GON4L: variants seen among roughly 807,000 people sequenced by gnomAD.
GON4L encodes GON-4-like protein.
A neutral mutation model predicts 211.8 loss-of-function variants in GON4L; 87 were observed. The observed-to-expected ratio is 0.41, with a 90% CI of 0.35 to 0.49. The LOEUF is 0.49. GON4L is among the 20% of genes least tolerant of loss of function. The pLI is 0.15. For synonymous variants in GON4L, 875 were observed against 962.6 expected (o/e 0.91, Z 1.68); for missense variants, 2,155 against 2,659.5 (o/e 0.81, Z 4.17).
chr1:155,749,881 T>C lies in GON4L; in HGVS notation c.*703A>G. 1 of 1,601,726 alleles carries C rather than the reference T, an allele frequency of 6.2e-7. No individual in the cohort carries two copies. Reference sequence around the variant, plus strand: ...CAGTTTGGCGAGTCCCAGGGCAGAATAATCATCCATCTACAGGTCTCTGTT... The same window carrying C: ...CAGTTTGGCGAGTCCCAGGGCAGAACAATCATCCATCTACAGGTCTCTGTT... On this transcript the variant is annotated 3_prime_UTR_variant, in exon 32 of 32. Transcript: ENST00000368331.
chr1:155,800,723 G>A (rs1397798326), intron 11 of GON4L, among the ~76,000 whole-genome samples: 3 of 151,636 alleles, frequency 2.0e-5, no homozygotes, highest in African/African-American at 4.8e-5. Context: ...ATGGTAGCGC[G>A]TACCTGTAGT....
chr1:155,850,144 A>G (rs1355132438), intron 2 of GON4L, among the ~76,000 whole-genome samples: 1 of 152,128 alleles, frequency 6.6e-6, no homozygotes, highest in African/African-American at 2.4e-5. Context: ...TCAAAATAAG[A>G]ATTTCAAAGT....
chr1:155,770,778 C>T (rs1049243915), intron 19 of GON4L, among the ~76,000 whole-genome samples: 5 of 152,108 alleles, frequency 3.3e-5, no homozygotes, highest in African/African-American at 4.8e-5. Flanking sequence ...GCAGGAGAAT[C>T]GCTTGAACCT....
intron 2 of GON4L, among the ~76,000 whole-genome samples, chr1:155,839,988 C>G (rs1670635806): frequency 6.6e-6 from 1 of 152,184 alleles, no homozygotes; most frequent in Non-Finnish European, 1.5e-5. Flanking sequence ...CTTGAGAAAG[C>G]CTGAGACATT....
intron 11 of GON4L, among the ~76,000 whole-genome samples, chr1:155,802,221 A>G (rs1421633774): frequency 2.0e-5 from 3 of 151,196 alleles, no homozygotes; most frequent in Non-Finnish European, 4.4e-5. Flanking sequence ...TGGTAGGAAA[A>G]TGAAGTGCCA....
chr1:155,828,756 C>T (rs1178163535), intron 2 of GON4L, among the ~76,000 whole-genome samples: 2 of 144,152 alleles, frequency 1.4e-5, no homozygotes, highest in South Asian at 2.2e-4. Flanking sequence ...TGCAGTGTGC[C>T]GAGATCGCGC....
chr1:155,764,585 G>A (rs554240204), intron 21 of GON4L: 21 of 384,594 alleles, frequency 5.5e-5, no homozygotes, highest in South Asian at 4.8e-4. Flanking sequence ...GATTACAGGT[G>A]TCCGCCACCA....
At chr1:155,813,159 C>T (rs867046690) in intron 10 of GON4L, among the ~76,000 whole-genome samples, 2 of 152,076 alleles carry the variant, frequency 1.3e-5, no homozygotes, top group Non-Finnish European at 2.9e-5. Context: ...CAGCCAGGCA[C>T]GGTGGTTCAC....
chr1:155,785,648 C>T (rs1257151285), intron 12 of GON4L, among the ~76,000 whole-genome samples: 1 of 152,058 alleles, frequency 6.6e-6, no homozygotes, highest in Non-Finnish European at 1.5e-5. Flanking sequence ...TGCCACCATG[C>T]CTGGCTAATT....
chr1:155,807,401 T>C (rs1431045585), intron 10 of GON4L, among the ~76,000 whole-genome samples: 1 of 151,798 alleles, frequency 6.6e-6, no homozygotes. Flanking sequence ...GACTCTTATT[T>C]AAAATATTTA....
chr1:155,766,947 G>A lies in GON4L; in HGVS notation c.2764-238C>T, dbSNP rs890651935. On this transcript the variant is annotated intron_variant, in intron 20 of 31. Transcript: ENST00000368331. ...TGTAATCCCAGCTACTCAGGAGGCGGAGGCAGGAGAATCACTTGAACCTGG... is the reference window on the plus strand; with the variant it reads ...TGTAATCCCAGCTACTCAGGAGGCGAAGGCAGGAGAATCACTTGAACCTGG... 1.8e-5 allele frequency: 11 copies of A among 594,750 alleles called. No individual in the cohort carries two copies. In the South Asian group the frequency reaches 2.1e-4, roughly 12 times the overall value. The allele number at this position is 594,750 out of a possible 1,614,324, so 36.8% of individuals were successfully genotyped here. A position where few individuals can be genotyped will look rare whatever the true frequency, so the allele number is the denominator to read the frequency against.
At position 155,805,109 on chromosome 1, in the gene GON4L, C is replaced by T. The variant is rs755423708; in HGVS notation, c.1485G>A (p.Thr495=). ...CATCTTTCAGGGGCATCTTAGAACG[C>T]GTTCGAAATGCAATGAGACTGTCAT... ...PMDDSLIAFR[T]RSKMPLKDVP... is the part of the protein sequence containing the mutation. Residue 495 remains threonine, a synonymous_variant, in exon 11 of 32, where the codon ACG becomes ACA. Coordinates refer to ENST00000368331, the MANE Select transcript of GON4L (RefSeq NM_001282860.2). 2.9e-5 allele frequency: 47 copies of T among 1,613,660 alleles called. No individual in the cohort carries two copies. The East Asian group carries it at 5.1e-4, about 18-fold the overall frequency.
chr1:155,768,093 A>G (rs1662735248), intron 19 of GON4L, among the ~76,000 whole-genome samples: 1 of 152,156 alleles, frequency 6.6e-6, no homozygotes, highest in Admixed American at 6.6e-5. Context: ...ACCTAAGGTC[A>G]GGAGTTCAAG....
chr1:155,781,278 G>T (rs141090303), intron 14 of GON4L, among the ~76,000 whole-genome samples: 1,773 of 151,878 alleles, frequency 0.012, 108 homozygotes, highest in Admixed American at 0.087. Context: ...AAGTAGCGGG[G>T]ATTACAGGCA....
At chr1:155,810,679 C>G (rs907262502) in intron 10 of GON4L, among the ~76,000 whole-genome samples, 1 of 142,514 alleles carries the variant, frequency 7.0e-6, no homozygotes, top group Non-Finnish European at 1.5e-5. Context: ...CACACTCCAG[C>G]CTGGGCGACA....
chr1:155,789,133 G>C (rs1363824888), intron 12 of GON4L, among the ~76,000 whole-genome samples: 3 of 151,808 alleles, frequency 2.0e-5, no homozygotes, highest in African/African-American at 7.3e-5. Flanking sequence ...CTGAAGGGAT[G>C]GTGTGGGGAT....
chr1:155,855,243 C>T (rs1231907388), intron 1 of GON4L, among the ~76,000 whole-genome samples: 1 of 152,134 alleles, frequency 6.6e-6, no homozygotes, highest in African/African-American at 2.4e-5. Flanking sequence ...TTTTACGGTA[C>T]TTATCAGTTT....
Position 155,760,518 on chromosome 1 carries a change from G to A in GON4L, c.5035C>T (p.Leu1679Phe). ...TTCAACAGCTGAGGCCAGTCTTGGAGCAGAATTTGCAGGCTTTTGTAGAGA... is the reference window on the plus strand; with the variant it reads ...TTCAACAGCTGAGGCCAGTCTTGGAACAGAATTTGCAGGCTTTTGTAGAGA... ...VDLYKSLQIL[L>F]QDWPQLLKDF... Residue 1679 changes from leucine to phenylalanine, a missense_variant, in exon 24 of 32, where the codon CTC becomes TTC. This residue lies in a region of GON4L where 455 missense variants were observed against 504.6 expected (regional missense o/e 0.90). Transcript: ENST00000368331. The A allele has an allele frequency of 6.2e-7, 1 of 1,613,570 alleles. No homozygotes were observed. Among genetic ancestry groups the A allele is most frequent in the Non-Finnish European group, 8.5e-7 (1 of 1,179,528 alleles).
At chr1:155,837,057 C>T (rs1415523644) in intron 2 of GON4L, among the ~76,000 whole-genome samples, 1 of 152,188 alleles carries the variant, frequency 6.6e-6, no homozygotes, top group Non-Finnish European at 1.5e-5. Flanking sequence ...TGTCTAGATA[C>T]TCCAGGTTTT....
Sources: allele counts gnomAD v4.1 joint callset (sites outside exome capture counted in the v4.1 genomes callset), GRCh38; gene constraint gnomAD v4.1.1; regional missense constraint gnomAD v4.1.1; transcripts MANE v1.5; gene names NCBI Gene and HGNC (gene_info 2026-07-23, HGNC 2026-07-21).